Variants in CRTC1 observed in about 807,000 individuals in gnomAD.
CRTC1 encodes the protein CREB-regulated transcription coactivator 1.
In CRTC1, 18 loss-of-function variants were observed where a neutral mutation model predicts 66.1. The observed-to-expected ratio is 0.27, with a 90% confidence interval of 0.19 to 0.40. CRTC1 has a LOEUF of 0.40. Ranked by LOEUF, CRTC1 falls within the 10% of genes least tolerant of loss-of-function variation. The pLI, the probability that CRTC1 is intolerant of heterozygous loss-of-function variation, is 1.00. For synonymous variants in CRTC1, 416 were observed against 398.8 expected (o/e 1.04, Z -0.51); for missense variants, 669 against 887.9 (o/e 0.75, Z 3.13).
rs889133709 is a variant in CRTC1 at position 18,778,816 on chromosome 19, A to G, written c.*1434A>G. 5.6e-5 allele frequency: 13 copies of G among 231,232 alleles called. No individual in the cohort carries two copies. Among genetic ancestry groups the G allele is most frequent in the Non-Finnish European group, 9.4e-5 (11 of 116,864 alleles). The allele number at this position is 231,232 out of a possible 1,614,324, so 14.3% of individuals were successfully genotyped here. A position where few individuals can be genotyped will look rare whatever the true frequency, so the allele number is the denominator to read the frequency against. ...CCCTGAGAACCTGGGTGGAACTGGC[A>G]TTTCATCCCCTCTCCACCCTACCCT... is the stretch of plus-strand genomic sequence containing the variant. On this transcript the variant is annotated 3_prime_UTR_variant, in exon 14 of 14. Transcript: ENST00000321949.
chr19:18,725,203 G>T lies in CRTC1; in HGVS notation c.127-17707G>T, dbSNP rs2053720390. Among the ~76,000 whole-genome samples the T allele has an allele frequency of 2.0e-5, 3 of 152,142 alleles. No individual in the cohort carries two copies. In the South Asian group the frequency reaches 6.2e-4, roughly 32 times the overall value. On this transcript the variant is annotated intron_variant, in intron 1 of 13. Transcript: ENST00000321949. Reference sequence around the variant, plus strand: ...TAGTGCCCCTGCCTGGCCCCTCATGGCAATGCTGAGGGGGAGGCCTCCTGT... The same window carrying T: ...TAGTGCCCCTGCCTGGCCCCTCATGTCAATGCTGAGGGGGAGGCCTCCTGT...
Position 18,771,402 on chromosome 19 carries a change from G to T in CRTC1, c.1321-40G>T. On this transcript the variant is annotated intron_variant, in intron 10 of 13. Transcript: ENST00000321949. This position sits in a 1 kb window ranked among gnomAD's most constrained non-coding sequence, Gnocchi z 4.6. ...AGCAGGGACTGGAGCCCGGGCTTGG[G>T]CAGCTGGGCTGCGGCGTGCTGATCT... The T allele has an allele frequency of 6.4e-7, 1 of 1,552,570 alleles. No individual in the cohort carries two copies. The highest frequency in any genetic ancestry group is 8.8e-7 in the Non-Finnish European group (1 of 1,140,538).
At position 18,771,385 on chromosome 19, in the gene CRTC1, CTGGAGCCCGGGCTT is replaced by C; in HGVS notation, c.1321-56_1321-43del. ...TCAGGCTGCTCCCGGGAAGCAGGGA[CTGGAGCCCGGGCTT>C]GGGCAGCTGGGCTGCGGCGTGCTGA... On this transcript the variant is annotated intron_variant, in intron 10 of 13. Transcript: ENST00000321949. The surrounding 1 kb of genome is among the most constrained non-coding windows in gnomAD (Gnocchi z 4.6). The C allele has an allele frequency of 6.8e-7, 1 of 1,478,178 alleles. No individual in the cohort carries two copies. 91.6% of individuals were successfully genotyped at this position (1,478,178 alleles called of 1,614,324 possible). A position where few individuals can be genotyped will look rare whatever the true frequency, so the allele number is the denominator to read the frequency against.
Position 18,777,386 on chromosome 19 carries a change from G to C in CRTC1, c.*4G>C, listed in dbSNP as rs757110910. The stretch of plus-strand genomic sequence containing the variant: ...CTTCCGGATGGACCGCCTGTGAGCG[G>C]GCACGCCGGCACCCTGCCGCTCAGC... On this transcript the variant is annotated 3_prime_UTR_variant, in exon 14 of 14. Coordinates refer to ENST00000321949, the MANE Select transcript of CRTC1 (RefSeq NM_015321.3). The surrounding 1 kb of genome is among the most constrained non-coding windows in gnomAD (Gnocchi z 5.5). 23 of 1,600,604 alleles carry C rather than the reference G, an allele frequency of 1.4e-5. No individual in the cohort carries two copies. In the South Asian group the frequency reaches 2.2e-4, roughly 15 times the overall value.
chr19:18,697,393 T>G (rs879870116), intron 1 of CRTC1, among the ~76,000 whole-genome samples: 3 of 152,160 alleles, frequency 2.0e-5, no homozygotes, highest in Non-Finnish European at 2.9e-5. Flanking sequence ...CTCAGCAACC[T>G]CTGCCTCTCG....
intron 5 of CRTC1, among the ~76,000 whole-genome samples, chr19:18,752,375 A>G (rs2054383495): frequency 6.6e-6 from 1 of 152,118 alleles, no homozygotes; most frequent in Non-Finnish European, 1.5e-5. Context: ...CTGGAGCGCC[A>G]TGGCATGATC....
chr19:18,683,693 C>A lies in CRTC1; in HGVS notation c.-10C>A, dbSNP rs1188720682. 1 of 1,389,498 alleles carries A rather than the reference C, an allele frequency of 7.2e-7. No individual in the cohort carries two copies. Among genetic ancestry groups the A allele is most frequent in the Non-Finnish European group, 9.6e-7 (1 of 1,046,950 alleles). 86.1% of individuals were successfully genotyped at this position (1,389,498 alleles called of 1,614,324 possible). Reference sequence around the variant, plus strand: ...GAGGAGGAGGAGGAGGAGGAGGTGGCGGCGAGAAGATGGCGACTTCGAACA... The same window carrying A: ...GAGGAGGAGGAGGAGGAGGAGGTGGAGGCGAGAAGATGGCGACTTCGAACA... On this transcript the variant is annotated 5_prime_UTR_variant, in exon 1 of 14. Coordinates refer to ENST00000321949, the MANE Select transcript of CRTC1 (RefSeq NM_015321.3).
chr19:18,753,865 C>T (rs113778921), intron 6 of CRTC1, among the ~76,000 whole-genome samples: 3,523 of 152,128 alleles, frequency 0.023, 58 homozygotes, highest in South Asian at 0.035. Flanking sequence ...TTTGGGAGGC[C>T]GAGGCAGGCG....
At position 18,769,159 on chromosome 19, in the gene CRTC1, C is replaced by T. The variant is rs575274540; in HGVS notation, c.1320+366C>T. ...CAGGGCCAGGGCGCAGGCCGGGGGCCGGGGATGACGTGAGCTTATCAGAGA... is the reference window on the plus strand; with the variant it reads ...CAGGGCCAGGGCGCAGGCCGGGGGCTGGGGATGACGTGAGCTTATCAGAGA... On this transcript the variant is annotated intron_variant, in intron 10 of 13. Transcript: ENST00000321949. 3.3e-5 allele frequency among the ~76,000 whole-genome samples: 5 copies of T among 152,302 alleles called. No individual in the cohort carries two copies. In the East Asian group the frequency reaches 5.8e-4, roughly 18 times the overall value.
chr19:18,760,314 G>C lies in CRTC1; in HGVS notation c.886+86G>C. ...CTGCAGGATGACTTGGCAGAGTCCC[G>C]TTCCAAATACTAGGGCATGGGGGAC... On this transcript the variant is annotated intron_variant, in intron 8 of 13. Coordinates refer to ENST00000321949, the MANE Select transcript of CRTC1 (RefSeq NM_015321.3). This position sits in a 1 kb window ranked among gnomAD's most constrained non-coding sequence, Gnocchi z 6.2. 8.5e-7 allele frequency: 1 copy of C among 1,171,800 alleles called. No homozygotes were observed. Among genetic ancestry groups the C allele is most frequent in the Non-Finnish European group, 1.2e-6 (1 of 825,340 alleles). The allele number at this position is 1,171,800 out of a possible 1,614,324, so 72.6% of individuals were successfully genotyped here.
chr19:18,726,137 A>G (rs979114163), intron 1 of CRTC1, among the ~76,000 whole-genome samples: 3 of 152,238 alleles, frequency 2.0e-5, no homozygotes, highest in Non-Finnish European at 4.4e-5. Flanking sequence ...TGCGTTCTGG[A>G]TGATTTCCCT....
intron 1 of CRTC1, among the ~76,000 whole-genome samples, chr19:18,684,825 A>AGGGGCTT (rs2052649863): frequency 6.6e-6 from 1 of 152,172 alleles, no homozygotes; most frequent in Admixed American, 6.5e-5. Flanking sequence ...GGCCAGGAGC[A>AGGGGCTT]GGGGCTTGGG....
rs754494035 is a variant in CRTC1, at chr19:18,760,733, G to A, written c.886+505G>A. Reference sequence around the variant, plus strand: ...GGGACGTCGCACAGGCCCCTCGCCCGTCCCAATAGCTCCTGGCGCTGCTGC... The same window carrying A: ...GGGACGTCGCACAGGCCCCTCGCCCATCCCAATAGCTCCTGGCGCTGCTGC... On this transcript the variant is annotated intron_variant, in intron 8 of 13. Coordinates refer to ENST00000321949, the MANE Select transcript of CRTC1 (RefSeq NM_015321.3). This position sits in a 1 kb window ranked among gnomAD's most constrained non-coding sequence, Gnocchi z 6.2. Among the ~76,000 whole-genome samples the A allele has an allele frequency of 2.0e-5, 3 of 151,546 alleles. No individual in the cohort carries two copies. Among genetic ancestry groups the A allele is most frequent in the South Asian group, 2.1e-4 (1 of 4,798 alleles).
At chr19:18,705,171 G>A (rs560274438) in intron 1 of CRTC1, among the ~76,000 whole-genome samples, 10 of 152,182 alleles carry the variant, frequency 6.6e-5, no homozygotes, top group Admixed American at 5.2e-4. Flanking sequence ...TTGTTTATCC[G>A]TTCATCTGTT....
intron 5 of CRTC1, among the ~76,000 whole-genome samples, chr19:18,753,051 G>T (rs950549106): frequency 6.6e-6 from 1 of 151,822 alleles, no homozygotes; most frequent in East Asian, 2.0e-4. Context: ...GGATCATGAG[G>T]TCAGGAGATC....
chr19:18,731,544 G>C (rs926801767), intron 1 of CRTC1, among the ~76,000 whole-genome samples: 1 of 152,162 alleles, frequency 6.6e-6, no homozygotes, highest in African/African-American at 2.4e-5. Context: ...GTCACGTTCC[G>C]AGGTTTTGGT....
intron 1 of CRTC1, among the ~76,000 whole-genome samples, chr19:18,719,023 C>T (rs747429179): frequency 1.4e-4 from 22 of 152,078 alleles, no homozygotes; most frequent in Non-Finnish European, 2.1e-4. Context: ...GAGGAGGTCA[C>T]GTGGGTGTCT....
intron 5 of CRTC1, among the ~76,000 whole-genome samples, chr19:18,751,767 A>G (rs1313270460): frequency 6.6e-6 from 1 of 151,878 alleles, no homozygotes; most frequent in African/African-American, 2.4e-5. Flanking sequence ...CATGATCTGA[A>G]CCCCTGTGCT....
chr19:18,744,891 G>T (rs552881901), intron 2 of CRTC1, among the ~76,000 whole-genome samples: 1 of 152,188 alleles, frequency 6.6e-6, no homozygotes, highest in Non-Finnish European at 1.5e-5. Context: ...AGCAATCCTA[G>T]CCATGGACAG....
Sources: allele counts gnomAD v4.1 joint callset (sites outside exome capture counted in the v4.1 genomes callset), GRCh38; gene constraint gnomAD v4.1.1; non-coding constraint Gnocchi (gnomAD v3.1); transcripts MANE v1.5; gene names NCBI Gene and HGNC (gene_info 2026-07-23, HGNC 2026-07-21).